BACE2: variants seen among roughly 807,000 people sequenced by gnomAD.
The protein encoded by BACE2 is beta-secretase 2.
A neutral mutation model predicts 46.2 loss-of-function variants in BACE2; 17 were observed. The observed-to-expected ratio is 0.37, with a 90% CI of 0.25 to 0.55. The LOEUF is 0.55. Ranked by LOEUF, BACE2 falls within the 20% of genes least tolerant of loss-of-function variation. The probability of loss-of-function intolerance (pLI) is 0.82; values close to 1 mark genes in which losing one functional copy is unlikely to be tolerated. For synonymous variants in BACE2, 277 were observed against 295.9 expected, an observed-to-expected ratio of 0.94 and a Z score of 0.66; for missense variants, 595 against 698.1, an observed-to-expected ratio of 0.85 and a Z score of 1.66.
chr21:41,242,448 A>C (rs561608255), intron 4 of BACE2, among the ~76,000 whole-genome samples: 1 of 152,208 alleles, frequency 6.6e-6, no homozygotes, highest in South Asian at 2.1e-4. Flanking sequence ...CTGGAGCCTG[A>C]GCTTCCCTCC....
chr21:41,273,099 G>A (rs1236439681), intron 8 of BACE2, among the ~76,000 whole-genome samples: 2 of 152,204 alleles, frequency 1.3e-5, no homozygotes, highest in African/African-American at 4.8e-5. Flanking sequence ...TTTCAAAGGG[G>A]AGGGAGTGTA....
chr21:41,274,396 G>C (rs932388648), intron 8 of BACE2, among the ~76,000 whole-genome samples: 1 of 152,230 alleles, frequency 6.6e-6, no homozygotes, highest in Admixed American at 6.5e-5. Context: ...CAGCTCTGAA[G>C]ATCTTGAGGC....
intron 4 of BACE2, 108 bp from the exon 5 acceptor site, chr21:41,243,268 G>T: frequency 1.1e-6 from 1 of 884,478 alleles, no homozygotes. Flanking sequence ...CGAAGTAGAA[G>T]CCCTGATTGC....
intron 1 of BACE2, among the ~76,000 whole-genome samples, chr21:41,196,481 G>T (rs1311313216): frequency 2.0e-5 from 3 of 151,754 alleles, no homozygotes; most frequent in Non-Finnish European, 4.4e-5. Context: ...GGGACTGGTT[G>T]ATTAAACTAT....
At chr21:41,211,073 A>AT (rs967742148) in intron 1 of BACE2, among the ~76,000 whole-genome samples, 28 of 150,216 alleles carry the variant, frequency 1.9e-4, no homozygotes, top group East Asian at 5.9e-4. Flanking sequence ...TATTGTGTTG[A>AT]TTTTTTTTTT....
intron 1 of BACE2, among the ~76,000 whole-genome samples, chr21:41,225,005 C>T (rs1465585801): frequency 4.6e-5 from 7 of 152,076 alleles, no homozygotes; most frequent in South Asian, 2.1e-4. Context: ...GAGGCCGAGG[C>T]GGGCAGATCA....
At chr21:41,273,806 G>A (rs1459456820) in intron 8 of BACE2, among the ~76,000 whole-genome samples, 1 of 152,212 alleles carries the variant, frequency 6.6e-6, no homozygotes, top group Non-Finnish European at 1.5e-5. Context: ...TTTATGTTCA[G>A]AGATTGCAGT....
At chr21:41,258,914 C>T (rs1335366140) in intron 8 of BACE2, among the ~76,000 whole-genome samples, 1 of 152,184 alleles carries the variant, frequency 6.6e-6, no homozygotes, top group Non-Finnish European at 1.5e-5. Flanking sequence ...TTGAGTGAGA[C>T]CTTTCTCTGT....
At chr21:41,249,925 C>T (rs1260322453) in intron 6 of BACE2, among the ~76,000 whole-genome samples, 2 of 152,206 alleles carry the variant, frequency 1.3e-5, no homozygotes, top group Non-Finnish European at 2.9e-5. Flanking sequence ...GTGAGAGGTA[C>T]TGGTGGATGT....
At chr21:41,209,566 T>C (rs1404177351) in intron 1 of BACE2, among the ~76,000 whole-genome samples, 5 of 152,196 alleles carry the variant, frequency 3.3e-5, no homozygotes, top group Non-Finnish European at 7.3e-5. Flanking sequence ...GCACTACCCC[T>C]CTTTAAGTTC....
At chr21:41,274,591 A>G (rs2838000) in intron 8 of BACE2, among the ~76,000 whole-genome samples, 125,447 of 152,208 alleles carry the variant, frequency 0.82, 51,878 homozygotes, top group East Asian at 0.99. Context: ...GGAAGTCTAC[A>G]GATAATCCAC....
rs75549819 is a variant in BACE2, at chr21:41,275,570, T to G, written c.1503T>G (p.Arg501=). 1 of 1,613,934 alleles carries G rather than the reference T, an allele frequency of 6.2e-7. No individual in the cohort carries two copies. The highest frequency in any genetic ancestry group is 2.2e-5 in the East Asian group (1 of 44,878). Reference sequence around the variant, plus strand: ...CGTTCCGGTGTCAGCGTCGCCCCCGTGACCCTGAGGTCGTCAATGATGAGT... The same window carrying G: ...CGTTCCGGTGTCAGCGTCGCCCCCGGGACCCTGAGGTCGTCAATGATGAGT... The part of the protein sequence containing the change: ...LLPFRCQRRP[R]DPEVVNDESS... The change falls in exon 9 of 9, where the codon CGT becomes CGG. Residue 501 remains arginine, a synonymous_variant. Coordinates refer to ENST00000330333, the MANE Select transcript of BACE2 (RefSeq NM_012105.5).
intron 1 of BACE2, among the ~76,000 whole-genome samples, chr21:41,192,167 T>C (rs926726089): frequency 2.0e-5 from 3 of 152,218 alleles, no homozygotes; most frequent in Non-Finnish European, 4.4e-5. Context: ...CTGTCCACTT[T>C]CGGGTGGTGC....
intron 1 of BACE2, among the ~76,000 whole-genome samples, chr21:41,205,197 G>A (rs952151100): frequency 6.6e-6 from 1 of 152,212 alleles, no homozygotes; most frequent in Non-Finnish European, 1.5e-5. Context: ...ATTCAGGTGA[G>A]TACTAGGATT....
At chr21:41,265,942 A>C (rs903054154) in intron 8 of BACE2, among the ~76,000 whole-genome samples, 31 of 152,270 alleles carry the variant, frequency 2.0e-4, no homozygotes, top group African/African-American at 7.0e-4. Flanking sequence ...GTGTGGATTA[A>C]ACTTCTTTCC....
At chr21:41,230,824 CAAAAAAAG>C (rs940551600) in intron 2 of BACE2, among the ~76,000 whole-genome samples, 8 of 150,598 alleles carry the variant, frequency 5.3e-5, no homozygotes, top group Non-Finnish European at 1.0e-4. Context: ...TACTATAGAG[CAAAAAAAG>C]AAAAAAAGAA....
chr21:41,220,405 T>G (rs1302004795), intron 1 of BACE2, among the ~76,000 whole-genome samples: 5 of 152,202 alleles, frequency 3.3e-5, no homozygotes, highest in Non-Finnish European at 7.4e-5. Context: ...CCCAGTCCTC[T>G]AATCCCGCCT....
chr21:41,174,015 T>C (rs1043424392), intron 1 of BACE2, among the ~76,000 whole-genome samples: 64 of 152,164 alleles, frequency 4.2e-4, no homozygotes, highest in African/African-American at 1.5e-3. Context: ...TACTCATCCC[T>C]GATCTCCTTG....
At chr21:41,222,426 T>C (rs1986686556) in intron 1 of BACE2, among the ~76,000 whole-genome samples, 1 of 152,186 alleles carries the variant, frequency 6.6e-6, no homozygotes, top group Non-Finnish European at 1.5e-5. Flanking sequence ...CACATGGACC[T>C]GGACCTGGGT....
Sources: allele counts gnomAD v4.1 joint callset (sites outside exome capture counted in the v4.1 genomes callset), GRCh38; gene constraint gnomAD v4.1.1; transcripts MANE v1.5; gene names NCBI Gene and HGNC (gene_info 2026-07-23, HGNC 2026-07-21).